The following ENOX1 variants were observed in gnomAD, a reference collection of about 807,000 sequenced individuals.
ENOX1 encodes the protein ecto-NOX disulfide-thiol exchanger 1.
Under a neutral mutation model 82.5 loss-of-function variants are expected in ENOX1, and 42 were observed. That is an observed-to-expected ratio of 0.51 (90% CI 0.40 to 0.66). The LOEUF (loss-of-function observed/expected upper bound fraction) is 0.66, where lower values mean the gene tolerates loss of function less well. ENOX1 is among the 30% of genes least tolerant of loss of function. ENOX1 has a pLI of 0.00. For synonymous variants in ENOX1, 271 were observed against 282.2 expected (o/e 0.96, Z 0.40); for missense variants, 608 against 811.6 (o/e 0.75, Z 3.05).
chr13:43,397,527 G>A (rs1338856089), intron 5 of ENOX1, among the ~76,000 whole-genome samples: 1 of 152,206 alleles, frequency 6.6e-6, no homozygotes, highest in Non-Finnish European at 1.5e-5. Context: ...CCCATCCAGT[G>A]AAGTGAGGAA....
intron 11 of ENOX1, among the ~76,000 whole-genome samples, chr13:43,303,280 C>T (rs2046684331): frequency 6.6e-6 from 1 of 152,228 alleles, no homozygotes. Context: ...CACGATCCTG[C>T]CTCCTGCTCC....
chr13:43,637,099 T>C (rs908986116), intron 2 of ENOX1, among the ~76,000 whole-genome samples: 3 of 152,180 alleles, frequency 2.0e-5, no homozygotes, highest in Non-Finnish European at 4.4e-5. Flanking sequence ...AGAACCACAT[T>C]CTATGTGGAC....
chr13:43,508,317 C>T (rs773773170), intron 2 of ENOX1, among the ~76,000 whole-genome samples: 2 of 151,968 alleles, frequency 1.3e-5, no homozygotes, highest in Admixed American at 6.6e-5. Context: ...TGTGAGGATG[C>T]TTCCATGAAA....
chr13:43,439,041 C>CTTTTTTTTTTTTT (rs61212622), intron 3 of ENOX1, among the ~76,000 whole-genome samples: 2 of 120,146 alleles, frequency 1.7e-5, no homozygotes, highest in East Asian at 2.3e-4. Context: ...GTCTTTTAAT[C>CTTTTTTTTTTTTT]TTTTTTTTTT....
At chr13:43,725,541 A>T (rs1392614649) in intron 1 of ENOX1, among the ~76,000 whole-genome samples, 2 of 152,172 alleles carry the variant, frequency 1.3e-5, no homozygotes, top group Non-Finnish European at 1.5e-5. Context: ...TTTTATAAAT[A>T]AGAGCATATC....
chr13:43,712,602 G>A (rs1306275178), intron 1 of ENOX1, among the ~76,000 whole-genome samples: 2 of 149,426 alleles, frequency 1.3e-5, no homozygotes, highest in Non-Finnish European at 3.0e-5. Context: ...TTGAGCGGTG[G>A]TTTGTAGTTC....
intron 11 of ENOX1, among the ~76,000 whole-genome samples, chr13:43,318,203 TTTTTAG>T (rs2047620562): frequency 6.6e-6 from 1 of 152,214 alleles, no homozygotes; most frequent in South Asian, 2.1e-4. Flanking sequence ...AGCAAGGGAC[TTTTTAG>T]TTTTACTCTT....
At chr13:43,630,872 C>CACACACAT in intron 2 of ENOX1, among the ~76,000 whole-genome samples, 1 of 151,268 alleles carries the variant, frequency 6.6e-6, no homozygotes. Context: ...CACACACACA[C>CACACACAT]ACATATATAT....
At chr13:43,651,695 T>TTAAAAAAAAAAAAAAAAAAAA (rs2084179088) in intron 2 of ENOX1, among the ~76,000 whole-genome samples, 5 of 96,932 alleles carry the variant, frequency 5.2e-5, no homozygotes, top group Admixed American at 3.5e-4. Flanking sequence ...AGACTCTGTC[T>TTAAAAAAAAAAAAAAAAAAAA]AAAAAAAAAA....
intron 9 of ENOX1, among the ~76,000 whole-genome samples, chr13:43,337,476 G>A (rs933400863): frequency 6.6e-6 from 1 of 152,202 alleles, no homozygotes. Context: ...ATGATTATGG[G>A]TTATAATGGA....
chr13:43,640,686 AG>A (rs2083598317), intron 2 of ENOX1, among the ~76,000 whole-genome samples: 1 of 152,170 alleles, frequency 6.6e-6, no homozygotes, highest in Non-Finnish European at 1.5e-5. Context: ...ACCTACACAA[AG>A]AGTACCTACC....
chr13:43,714,445 C>G (rs1048860910), intron 1 of ENOX1, among the ~76,000 whole-genome samples: 2 of 152,118 alleles, frequency 1.3e-5, no homozygotes, highest in Non-Finnish European at 2.9e-5. Flanking sequence ...TGCTGCAGAG[C>G]TGAGTTCAAT....
At chr13:43,670,219 T>C (rs1371192880) in intron 1 of ENOX1, among the ~76,000 whole-genome samples, 2 of 152,150 alleles carry the variant, frequency 1.3e-5, no homozygotes. Flanking sequence ...ATTATCGTAA[T>C]ATAGAAAACA....
chr13:43,305,828 GCT>G (rs753309590), intron 11 of ENOX1, among the ~76,000 whole-genome samples: 4 of 152,226 alleles, frequency 2.6e-5, no homozygotes, highest in Admixed American at 6.5e-5. Flanking sequence ...GTTGAAGGAT[GCT>G]CTGTCAGGTG....
intron 1 of ENOX1, among the ~76,000 whole-genome samples, chr13:43,679,395 C>G (rs992264648): frequency 2.0e-5 from 3 of 152,102 alleles, no homozygotes; most frequent in African/African-American, 7.2e-5. Flanking sequence ...GGCCTCATGA[C>G]ACACACACAC....
At chr13:43,737,987 G>A (rs904661718) in intron 1 of ENOX1, among the ~76,000 whole-genome samples, 1 of 152,028 alleles carries the variant, frequency 6.6e-6, no homozygotes, top group African/African-American at 2.4e-5. Flanking sequence ...AACCATTTTT[G>A]TGTCCTTCTG....
At chr13:43,266,923 T>C (rs1261616517) in intron 13 of ENOX1, among the ~76,000 whole-genome samples, 3 of 152,210 alleles carry the variant, frequency 2.0e-5, no homozygotes, top group Non-Finnish European at 2.9e-5. Flanking sequence ...GTTCCACCTT[T>C]ACGTGTTTAC....
At chr13:43,391,532 CCTCT>C (rs1283243341) in intron 5 of ENOX1, among the ~76,000 whole-genome samples, 2 of 152,218 alleles carry the variant, frequency 1.3e-5, no homozygotes, top group Admixed American at 6.5e-5. Context: ...ATGATTTCTC[CCTCT>C]ATTTGTTCCT....
chr13:43,589,035 A>G (rs1243713925), intron 2 of ENOX1, among the ~76,000 whole-genome samples: 1 of 151,914 alleles, frequency 6.6e-6, no homozygotes, highest in Non-Finnish European at 1.5e-5. Flanking sequence ...AAACATTTGC[A>G]TGATGGATAA....
Sources: gnomAD v4.1 joint callset for allele counts (sites outside exome capture counted in the v4.1 genomes callset) on GRCh38, gnomAD v4.1.1 for gene constraint, MANE v1.5 for transcripts, NCBI Gene and HGNC (gene_info 2026-07-23, HGNC 2026-07-21) for gene names.